SEMA6D: variants seen among roughly 807,000 people sequenced by gnomAD.
SEMA6D encodes the protein semaphorin-6D.
Under a neutral mutation model 106.6 loss-of-function variants are expected in SEMA6D, and 35 were observed. The observed-to-expected ratio is 0.33, with a 90% CI of 0.25 to 0.44. SEMA6D has a LOEUF of 0.44. SEMA6D is among the 20% of genes least tolerant of loss of function. The pLI, the probability that SEMA6D is intolerant of heterozygous loss-of-function variation, is 1.00. For synonymous variants in SEMA6D, 499 were observed against 487.7 expected (o/e 1.02, Z -0.31); for missense variants, 1,185 against 1,345.9 (o/e 0.88, Z 1.87).
intron 1 of SEMA6D, among the ~76,000 whole-genome samples, chr15:47,351,311 A>G (rs1191479858): frequency 6.6e-6 from 1 of 152,164 alleles, no homozygotes; most frequent in African/African-American, 2.4e-5. Context: ...ACTTATTGTA[A>G]ACTATTAATT....
At chr15:47,372,545 C>T (rs988124006) in intron 1 of SEMA6D, among the ~76,000 whole-genome samples, 2 of 152,196 alleles carry the variant, frequency 1.3e-5, no homozygotes, top group Non-Finnish European at 2.9e-5. Flanking sequence ...GCCTCTGCTG[C>T]AAATGTTTGC....
chr15:47,540,320 C>G (rs139777979), intron 3 of SEMA6D, among the ~76,000 whole-genome samples: 27 of 152,076 alleles, frequency 1.8e-4, no homozygotes, highest in African/African-American at 6.5e-4. Flanking sequence ...TGTCAAGAAA[C>G]TTTATTTCCA....
At chr15:47,192,045 A>G (rs1893999662) in intron 1 of SEMA6D, among the ~76,000 whole-genome samples, 2 of 152,172 alleles carry the variant, frequency 1.3e-5, no homozygotes, top group African/African-American at 2.4e-5. Context: ...TCTAAGGGAA[A>G]TACACAACCA....
intron 1 of SEMA6D, among the ~76,000 whole-genome samples, chr15:47,372,189 C>G (rs1206248383): frequency 1.3e-5 from 2 of 152,166 alleles, no homozygotes; most frequent in African/African-American, 2.4e-5. Flanking sequence ...GGCACCCAGC[C>G]TCTAGCTTCA....
chr15:47,628,556 T>A (rs2077241517), intron 4 of SEMA6D, among the ~76,000 whole-genome samples: 1 of 152,084 alleles, frequency 6.6e-6, no homozygotes, highest in Non-Finnish European at 1.5e-5. Context: ...TAACTATATA[T>A]CCTCTTCAGT....
chr15:47,203,446 A>C (rs1359700261), intron 1 of SEMA6D, among the ~76,000 whole-genome samples: 3 of 152,298 alleles, frequency 2.0e-5, no homozygotes, highest in African/African-American at 7.2e-5. Context: ...TGTTCTTCTG[A>C]GGGCAGCTCT....
intron 3 of SEMA6D, among the ~76,000 whole-genome samples, chr15:47,524,694 T>C (rs1039517516): frequency 6.6e-6 from 1 of 152,206 alleles, no homozygotes; most frequent in Admixed American, 6.5e-5. Context: ...AAGTCTCTTC[T>C]TCACTGCTCA....
chr15:47,345,458 TAC>T (rs1328980386), intron 1 of SEMA6D, among the ~76,000 whole-genome samples: 4 of 152,014 alleles, frequency 2.6e-5, no homozygotes, highest in African/African-American at 9.7e-5. Flanking sequence ...ACAAAGAAAG[TAC>T]AGTTTTTTTC....
At chr15:47,467,564 G>A (rs2042702697) in intron 2 of SEMA6D, among the ~76,000 whole-genome samples, 1 of 152,152 alleles carries the variant, frequency 6.6e-6, no homozygotes, top group Non-Finnish European at 1.5e-5. Context: ...GGTAGATTGA[G>A]AAGTAGAGGA....
chr15:47,708,210 A>G (rs1333099437), intron 4 of SEMA6D, among the ~76,000 whole-genome samples: 1 of 152,184 alleles, frequency 6.6e-6, no homozygotes, highest in Non-Finnish European at 1.5e-5. Context: ...CATGAGGAAA[A>G]CATTCAAACT....
At chr15:47,514,297 T>G (rs2044320677) in intron 3 of SEMA6D, among the ~76,000 whole-genome samples, 1 of 152,230 alleles carries the variant, frequency 6.6e-6, no homozygotes, top group South Asian at 2.1e-4. Flanking sequence ...CTTTTCTATG[T>G]GCATTCACTC....
At chr15:47,461,984 T>C (rs2042527560) in intron 2 of SEMA6D, among the ~76,000 whole-genome samples, 1 of 151,990 alleles carries the variant, frequency 6.6e-6, no homozygotes, top group South Asian at 2.1e-4. Context: ...TACCAGAAAA[T>C]ACTGAATATT....
At chr15:47,603,017 T>C (rs999128) in intron 4 of SEMA6D, among the ~76,000 whole-genome samples, 31,097 of 152,024 alleles carry the variant, frequency 0.2, 3,965 homozygotes, top group African/African-American at 0.34. Context: ...GAAATGGAAA[T>C]GATATTGGGC....
At chr15:47,333,861 A>T (rs767541272) in intron 1 of SEMA6D, among the ~76,000 whole-genome samples, 3 of 152,198 alleles carry the variant, frequency 2.0e-5, no homozygotes, top group Non-Finnish European at 2.9e-5. Context: ...ATGTTGTGGT[A>T]TGCGGGAAAC....
At chr15:47,543,475 T>C (rs538726688) in intron 3 of SEMA6D, among the ~76,000 whole-genome samples, 1 of 152,278 alleles carries the variant, frequency 6.6e-6, no homozygotes, top group Non-Finnish European at 1.5e-5. Flanking sequence ...CCTTCAGCCA[T>C]GATTGTGAGG....
At chr15:47,494,778 ATATATATATAT>A (rs2043593951) in intron 3 of SEMA6D, among the ~76,000 whole-genome samples, 5 of 97,260 alleles carry the variant, frequency 5.1e-5, no homozygotes, top group African/African-American at 2.0e-4. Context: ...ATATATATAT[ATATATATATAT>A]AATCTCCAGA....
intron 3 of SEMA6D, among the ~76,000 whole-genome samples, chr15:47,493,386 G>A (rs1326083439): frequency 6.6e-6 from 1 of 152,160 alleles, no homozygotes; most frequent in African/African-American, 2.4e-5. Flanking sequence ...AGCATCATCA[G>A]GGTCAATGTG....
At chr15:47,374,884 C>T (rs1345894314) in intron 1 of SEMA6D, among the ~76,000 whole-genome samples, 1 of 152,116 alleles carries the variant, frequency 6.6e-6, no homozygotes, top group African/African-American at 2.4e-5. Context: ...TGTCTTTACT[C>T]CTCCTGATCA....
At chr15:47,225,291 G>A (rs1053241235) in intron 1 of SEMA6D, among the ~76,000 whole-genome samples, 1 of 151,962 alleles carries the variant, frequency 6.6e-6, no homozygotes, top group African/African-American at 2.4e-5. Context: ...GAGAATTCCT[G>A]TTGCTCTACA....
Sources: gnomAD v4.1 joint callset for allele counts (sites outside exome capture counted in the v4.1 genomes callset) on GRCh38, gnomAD v4.1.1 for gene constraint, MANE v1.5 for transcripts, NCBI Gene and HGNC (gene_info 2026-07-23, HGNC 2026-07-21) for gene names.